Variants in RBFOX3 observed in about 807,000 individuals in gnomAD.
RBFOX3 encodes the protein RNA binding protein fox-1 homolog 3.
A neutral mutation model predicts 48.7 loss-of-function variants in RBFOX3; 17 were observed. The ratio of observed to expected loss-of-function variants is 0.35; its 90% CI spans 0.24 to 0.52. The LOEUF is 0.52. RBFOX3 is among the 20% of genes least tolerant of loss of function. The pLI is 0.94. For missense variants in RBFOX3, 382 were observed against 497.5 expected (o/e 0.77, Z 2.21); for synonymous variants, 212 against 209.5 (o/e 1.01, Z -0.10).
intron 1 of RBFOX3, among the ~76,000 whole-genome samples, chr17:79,554,583 T>A (rs2143796193): frequency 6.6e-6 from 1 of 152,260 alleles, no homozygotes; most frequent in East Asian, 1.9e-4. Flanking sequence ...CTGTTTCCAC[T>A]TTGCCTTCCC....
chr17:79,311,531 G>A lies in RBFOX3; in HGVS notation c.-174-3707C>T, dbSNP rs1040791736. Among the ~76,000 whole-genome samples the A allele has an allele frequency of 5.9e-5, 9 of 151,456 alleles. No homozygotes were observed. Among genetic ancestry groups the A allele is most frequent in the Non-Finnish European group, 1.0e-4 (7 of 67,980 alleles). On this transcript the variant is annotated intron_variant, in intron 2 of 14. Coordinates refer to ENST00000693108, the MANE Select transcript of RBFOX3 (RefSeq NM_001350451.2). The surrounding 1 kb of genome is among the most constrained non-coding windows in gnomAD (Gnocchi z 4.2). Reference sequence around the variant, plus strand: ...ACAGAGTTCAGATTCGGCAGCCTTCGCAATAACATGACCTAATTCCTTAAA... The same window carrying A: ...ACAGAGTTCAGATTCGGCAGCCTTCACAATAACATGACCTAATTCCTTAAA...
rs1167284803 is a variant in RBFOX3 at position 79,511,939 on chromosome 17, C to T, written c.-319-29341G>A. ...CACCCACCCGGATACGTGTTACCAT[C>T]GGATACAGCCCCATGGCCAGGGGAC... On this transcript the variant is annotated intron_variant, in intron 1 of 14. Transcript: ENST00000693108. Among the ~76,000 whole-genome samples the T allele has an allele frequency of 1.1e-3, 162 of 143,198 alleles. 2 individuals are homozygous for T. The highest frequency in any genetic ancestry group is 3.0e-3 in the African/African-American group (116 of 38,114). The allele number at this position is 143,198 out of a possible 152,430, so 93.9% of individuals were successfully genotyped here. A position where few individuals can be genotyped will look rare whatever the true frequency, so the allele number is the denominator to read the frequency against.
At chr17:79,453,607 T>C (rs979813521) in intron 2 of RBFOX3, among the ~76,000 whole-genome samples, 7 of 151,984 alleles carry the variant, frequency 4.6e-5, no homozygotes, top group Admixed American at 1.3e-4. Context: ...CGTTTAAGAG[T>C]GTGCAGAAGA....
intron 2 of RBFOX3, among the ~76,000 whole-genome samples, chr17:79,452,974 G>A (rs1378250217): frequency 2.6e-5 from 4 of 152,192 alleles, no homozygotes; most frequent in African/African-American, 7.2e-5. Flanking sequence ...CCACTGAGAC[G>A]TGCAGCTTGG....
intron 3 of RBFOX3, among the ~76,000 whole-genome samples, chr17:79,307,307 G>A (rs1444491626): frequency 1.3e-5 from 2 of 152,224 alleles, no homozygotes; most frequent in East Asian, 1.9e-4. Flanking sequence ...GGTCAGCCCC[G>A]GTGGGAGCCA....
chr17:79,587,689 G>A (rs918084959), intron 1 of RBFOX3, among the ~76,000 whole-genome samples: 24 of 152,278 alleles, frequency 1.6e-4, no homozygotes, highest in East Asian at 5.8e-4. Flanking sequence ...CGGACCAAGC[G>A]GCACCTAGGA....
At chr17:79,240,002 C>A (rs2147982709) in intron 3 of RBFOX3, among the ~76,000 whole-genome samples, 1 of 152,328 alleles carries the variant, frequency 6.6e-6, no homozygotes, top group East Asian at 1.9e-4. Context: ...TTCCACCTGG[C>A]TCACAGTTCA....
At chr17:79,505,785 A>G (rs865261) in intron 1 of RBFOX3, among the ~76,000 whole-genome samples, 149,950 of 152,332 alleles carry the variant, frequency 0.98, 73,846 homozygotes, top group Middle Eastern at 1. Flanking sequence ...CATTTTGACC[A>G]TGATATTGAT....
intron 1 of RBFOX3, chr17:79,599,044 C>A (rs2145282014): frequency 6.6e-6 from 1 of 152,324 alleles, no homozygotes; most frequent in African/African-American, 2.4e-5. Context: ...TCCCCCTCCC[C>A]AGGAGACCCA....
rs2060713623 is a variant in RBFOX3 at position 79,229,290 on chromosome 17, C to G, written c.-34+6476G>C. On this transcript the variant is annotated intron_variant, in intron 4 of 14. Transcript: ENST00000693108. The stretch of plus-strand genomic sequence containing the variant: ...AAAGGGACAGGGCTGGGCGTGGTGG[C>G]TCACATCTGTAATCCCAGCACTTTG... Among the ~76,000 whole-genome samples the G allele has an allele frequency of 2.2e-5, 3 of 135,468 alleles. No homozygotes were observed. In the Admixed American group the frequency reaches 2.3e-4, roughly 10 times the overall value. The allele number at this position is 135,468 out of a possible 152,430, so 88.9% of individuals were successfully genotyped here.
In RBFOX3 at chr17:79,595,617, G is replaced by A. The variant is rs896012315; in HGVS notation, c.-320+15209C>T. On this transcript the variant is annotated intron_variant, in intron 1 of 14. Coordinates refer to ENST00000693108, the MANE Select transcript of RBFOX3 (RefSeq NM_001350451.2). ...CTGCTGCAGGGAGTGTGTTAGCAGC[G>A]GGGAGACCTGTGGGAAGTGGCATGC... is the stretch of plus-strand genomic sequence containing the variant. 4.6e-3 allele frequency among the ~76,000 whole-genome samples: 704 copies of A among 152,266 alleles called. 1 individual carries two copies. Among genetic ancestry groups the A allele is most frequent in the Non-Finnish European group, 7.4e-3 (505 of 68,020 alleles).
intron 1 of RBFOX3, among the ~76,000 whole-genome samples, chr17:79,574,403 C>T (rs2092787368): frequency 6.6e-6 from 1 of 152,258 alleles, no homozygotes; most frequent in African/African-American, 2.4e-5. Context: ...ACCAAGATGG[C>T]GATCAAAGTG....
At chr17:79,489,517 A>G (rs1156720115) in intron 1 of RBFOX3, among the ~76,000 whole-genome samples, 7 of 151,838 alleles carry the variant, frequency 4.6e-5, no homozygotes, top group Non-Finnish European at 8.8e-5. Flanking sequence ...CTGGTCTCGG[A>G]CTCCTGAGCT....
chr17:79,215,639 G>C (rs1399714816), intron 4 of RBFOX3, among the ~76,000 whole-genome samples: 1 of 152,204 alleles, frequency 6.6e-6, no homozygotes, highest in African/African-American at 2.4e-5. Context: ...AGATGGAAGG[G>C]CAGGGCTCAG....
At chr17:79,113,496 G>A (rs1260678072) in intron 5 of RBFOX3, among the ~76,000 whole-genome samples, 6 of 152,222 alleles carry the variant, frequency 3.9e-5, no homozygotes, top group African/African-American at 2.4e-5. Flanking sequence ...AGACCTGAGA[G>A]ACCCCAGCCT....
the RBFOX3 span, among the ~76,000 whole-genome samples, chr17:79,653,105 G>C: frequency 1.3e-5 from 2 of 152,124 alleles, no homozygotes; most frequent in African/African-American, 2.4e-5. Flanking sequence ...CTCGTTAACT[G>C]AACATGAGAA....
the RBFOX3 span, among the ~76,000 whole-genome samples, chr17:79,620,369 GGACATACACA>G: frequency 8.3e-6 from 1 of 119,812 alleles, no homozygotes; most frequent in Non-Finnish European, 1.7e-5. Flanking sequence ...GGACACACAC[GGACATACACA>G]CACATGCACA....
chr17:79,125,070 C>T (rs2036829565), intron 4 of RBFOX3, among the ~76,000 whole-genome samples: 1 of 152,196 alleles, frequency 6.6e-6, no homozygotes, highest in Non-Finnish European at 1.5e-5. Flanking sequence ...ACCCTGACCT[C>T]TAGACGCCTC....
Position 79,471,587 on chromosome 17 carries a change from C to G in RBFOX3, c.-175+10867G>C, listed in dbSNP as rs2077068183. On this transcript the variant is annotated intron_variant, in intron 2 of 14. Transcript: ENST00000693108. The surrounding 1 kb of genome is among the most constrained non-coding windows in gnomAD (Gnocchi z 4.0). ...TGAGCTTTCTCAGCTACAAAGAGCA[C>G]GACATAAACAAGGAAGGCGCACACA... Among the ~76,000 whole-genome samples, 1 of 152,116 alleles carries G rather than the reference C, an allele frequency of 6.6e-6. No homozygotes were observed. The highest frequency in any genetic ancestry group is 2.4e-5 in the African/African-American group (1 of 41,408).
Sources: allele counts gnomAD v4.1 joint callset (sites outside exome capture counted in the v4.1 genomes callset), GRCh38; gene constraint gnomAD v4.1.1; non-coding constraint Gnocchi (gnomAD v3.1); transcripts MANE v1.5; gene names NCBI Gene and HGNC (gene_info 2026-07-23, HGNC 2026-07-21).